ASTN2: variants seen among roughly 807,000 people sequenced by gnomAD.
The protein encoded by ASTN2 is astrotactin-2.
A neutral mutation model predicts 139.8 loss-of-function variants in ASTN2; 54 were observed. That is an observed-to-expected ratio of 0.39 (90% CI 0.31 to 0.48). The LOEUF (loss-of-function observed/expected upper bound fraction) is 0.48, where lower values mean the gene tolerates loss of function less well. Ranked by LOEUF, ASTN2 falls within the 20% of genes least tolerant of loss-of-function variation. The pLI is 0.95. For synonymous variants in ASTN2, 756 were observed against 719.5 expected (o/e 1.05, Z -0.81); for missense variants, 1,565 against 1,725.1 (o/e 0.91, Z 1.64).
At chr9:116,951,624 G>C (rs975792708) in intron 10 of ASTN2, among the ~76,000 whole-genome samples, 2 of 152,162 alleles carry the variant, frequency 1.3e-5, no homozygotes, top group Admixed American at 6.6e-5. Context: ...CCACACTCTA[G>C]AGATGAGTAG....
chr9:117,023,045 G>A (rs1837935342), intron 6 of ASTN2, among the ~76,000 whole-genome samples: 1 of 152,096 alleles, frequency 6.6e-6, no homozygotes, highest in Non-Finnish European at 1.5e-5. Flanking sequence ...GTGGGGTAAA[G>A]GAAGGGGGAG....
At position 116,602,872 on chromosome 9, in the gene ASTN2, G is replaced by A. The variant is rs564406633; in HGVS notation, c.3355+15452C>T. On this transcript the variant is annotated intron_variant, in intron 19 of 22. Transcript: ENST00000313400. ...TTGAGCCAGGGAGGCAGAGGTTACA[G>A]TAAGCCGAGATCACACCAGTGCACT... Among the ~76,000 whole-genome samples, 27 of 152,076 alleles carry A rather than the reference G, an allele frequency of 1.8e-4. 1 individual carries two copies. In the South Asian group the frequency reaches 4.8e-3, roughly 27 times the overall value.
chr9:116,581,656 A>T (rs2131712721), intron 19 of ASTN2, among the ~76,000 whole-genome samples: 1 of 152,320 alleles, frequency 6.6e-6, no homozygotes, highest in African/African-American at 2.4e-5. Flanking sequence ...ATCTCTATGC[A>T]AAATGGGAAA....
chr9:117,331,953 T>C (rs1417271579), intron 1 of ASTN2, among the ~76,000 whole-genome samples: 1 of 151,988 alleles, frequency 6.6e-6, no homozygotes, highest in Non-Finnish European at 1.5e-5. Flanking sequence ...CACATGTTCT[T>C]AGATGCTAAT....
At chr9:117,137,548 T>C (rs1829981793) in intron 4 of ASTN2, among the ~76,000 whole-genome samples, 1 of 152,186 alleles carries the variant, frequency 6.6e-6, no homozygotes, top group African/African-American at 2.4e-5. Context: ...TAATAAATGT[T>C]CCAATGGGAG....
chr9:117,367,975 C>A (rs1312302426), intron 1 of ASTN2, among the ~76,000 whole-genome samples: 1 of 152,090 alleles, frequency 6.6e-6, no homozygotes, highest in East Asian at 1.9e-4. Flanking sequence ...TTTTCACAAA[C>A]AACTTCCACT....
chr9:117,414,370 T>C lies in ASTN2; in HGVS notation c.442+127A>G. The stretch of plus-strand genomic sequence containing the variant: ...ACCTGTGCGACCTCTGGGCCCCTCC[T>C]CTACCCTCTGCCAACCCCACTCGGG... On this transcript the variant is annotated intron_variant, in intron 1 of 22. Transcript: ENST00000313400. The surrounding 1 kb of genome is among the most constrained non-coding windows in gnomAD (Gnocchi z 4.2). 6.9e-7 allele frequency: 1 copy of C among 1,453,214 alleles called. No homozygotes were observed. Among genetic ancestry groups the C allele is most frequent in the South Asian group, 1.4e-5 (1 of 72,544 alleles). 90.0% of individuals were successfully genotyped at this position (1,453,214 alleles called of 1,614,324 possible). A position where few individuals can be genotyped will look rare whatever the true frequency, so the allele number is the denominator to read the frequency against.
At chr9:117,200,996 C>CTTTTTTTTTTTT (rs777675838) in intron 3 of ASTN2, among the ~76,000 whole-genome samples, 5 of 94,966 alleles carry the variant, frequency 5.3e-5, no homozygotes, top group Admixed American at 1.3e-4. Context: ...TGGTCCTGGG[C>CTTTTTTTTTTTT]TTTTTTTTTT....
intron 16 of ASTN2, among the ~76,000 whole-genome samples, chr9:116,677,631 G>C (rs11515491): frequency 0.16 from 23,861 of 152,238 alleles, 2,396 homozygotes; most frequent in Non-Finnish European, 0.23. Flanking sequence ...ACTCCCAAGA[G>C]AGATGGGCTG....
intron 19 of ASTN2, among the ~76,000 whole-genome samples, chr9:116,592,017 A>G (rs573379005): frequency 6.6e-6 from 1 of 152,352 alleles, no homozygotes; most frequent in African/African-American, 2.4e-5. Context: ...CTTGGATATC[A>G]AAATTTGCAG....
intron 7 of ASTN2, among the ~76,000 whole-genome samples, chr9:116,981,124 T>C (rs1836501338): frequency 6.6e-6 from 1 of 152,236 alleles, no homozygotes; most frequent in Non-Finnish European, 1.5e-5. Context: ...GTGATGCCTA[T>C]GCCAATGGAA....
At chr9:116,493,825 T>C (rs1393648908) in intron 19 of ASTN2, among the ~76,000 whole-genome samples, 1 of 152,140 alleles carries the variant, frequency 6.6e-6, no homozygotes, top group African/African-American at 2.4e-5. Context: ...CGGCAAGTTT[T>C]TTAGCCCAGG....
intron 1 of ASTN2, among the ~76,000 whole-genome samples, chr9:117,318,464 T>C (rs1828217246): frequency 6.6e-6 from 1 of 152,184 alleles, no homozygotes; most frequent in Non-Finnish European, 1.5e-5. Flanking sequence ...AATCTTAGGC[T>C]TTTCTTCTTC....
chr9:116,837,389 T>C (rs1224742568), intron 11 of ASTN2, among the ~76,000 whole-genome samples: 1 of 152,164 alleles, frequency 6.6e-6, no homozygotes, highest in East Asian at 1.9e-4. Context: ...CCCAAGTCTC[T>C]GAGCCTTGAG....
chr9:117,412,094 A>G (rs1291926416), intron 1 of ASTN2, among the ~76,000 whole-genome samples: 1 of 150,682 alleles, frequency 6.6e-6, no homozygotes, highest in African/African-American at 2.4e-5. Context: ...GTGTTTACAC[A>G]CAAACAGTGG....
intron 10 of ASTN2, among the ~76,000 whole-genome samples, chr9:116,889,209 A>C (rs1281658988): frequency 6.6e-6 from 1 of 152,106 alleles, no homozygotes; most frequent in Non-Finnish European, 1.5e-5. Context: ...GAGGAAGAGA[A>C]GGAAGCAAAA....
intron 2 of ASTN2, among the ~76,000 whole-genome samples, chr9:117,240,913 T>G (rs1833186900): frequency 6.6e-6 from 1 of 152,176 alleles, no homozygotes; most frequent in Non-Finnish European, 1.5e-5. Context: ...ATTTTGAAAT[T>G]TTAGCATAAG....
intron 12 of ASTN2, among the ~76,000 whole-genome samples, chr9:116,809,310 G>T (rs1057033577): frequency 6.6e-6 from 1 of 152,016 alleles, no homozygotes; most frequent in Non-Finnish European, 1.5e-5. Flanking sequence ...TTTAAAATGG[G>T]TAGCCAATTG....
chr9:117,248,350 C>T (rs1437838067), intron 2 of ASTN2, among the ~76,000 whole-genome samples: 3 of 152,010 alleles, frequency 2.0e-5, no homozygotes, highest in Middle Eastern at 3.2e-3. Flanking sequence ...TAAGTGGAAT[C>T]GAATAAAAAG....
Sources: allele counts gnomAD v4.1 joint callset (sites outside exome capture counted in the v4.1 genomes callset), GRCh38; gene constraint gnomAD v4.1.1; non-coding constraint Gnocchi (gnomAD v3.1); transcripts MANE v1.5; gene names NCBI Gene and HGNC (gene_info 2026-07-23, HGNC 2026-07-21).